FGF14: variants seen among roughly 807,000 people sequenced by gnomAD.
FGF14 encodes the protein fibroblast growth factor 14.
Under a neutral mutation model 25.5 loss-of-function variants are expected in FGF14, and 5 were observed. The observed-to-expected ratio is 0.20, with a 90% CI of 0.10 to 0.41. The LOEUF is 0.41. Ranked by LOEUF, FGF14 falls within the 10% of genes least tolerant of loss-of-function variation. The pLI is 1.00. For missense variants in FGF14, 222 were observed against 320.1 expected (o/e 0.69, Z 2.34); for synonymous variants, 138 against 118.3 (o/e 1.17, Z -1.08).
chr13:101,713,786 G>A lies in FGF14; in HGVS notation c.*9045C>T, dbSNP rs183748156. On this transcript the variant is annotated 3_prime_UTR_variant, in exon 5 of 5. Transcript: ENST00000376143. The stretch of plus-strand genomic sequence containing the variant: ...GGTAGGAGAAATGGGTGAAGTGGAG[G>A]GAAAAAGAGTTGAATCCAGAGCCTC... 2.0e-5 allele frequency: 3 copies of A among 152,174 alleles called. No homozygotes were observed. The East Asian group carries it at 5.8e-4, about 29-fold the overall frequency. The allele number at this position is 152,174 out of a possible 1,614,324, so 9.4% of individuals were successfully genotyped here. A position where few individuals can be genotyped will look rare whatever the true frequency, so the allele number is the denominator to read the frequency against.
chr13:101,968,194 A>T (rs1354776000), intron 1 of FGF14, among the ~76,000 whole-genome samples: 1 of 152,252 alleles, frequency 6.6e-6, no homozygotes, highest in Non-Finnish European at 1.5e-5. Flanking sequence ...AAATGAAGAT[A>T]AATTCATATA....
intron 1 of FGF14, among the ~76,000 whole-genome samples, chr13:102,278,816 A>T (rs2053679373): frequency 6.6e-6 from 1 of 152,130 alleles, no homozygotes; most frequent in African/African-American, 2.4e-5. Context: ...CAGATACAGA[A>T]GTCTGGTACC....
At chr13:101,775,873 T>G (rs1180719608) in intron 3 of FGF14, among the ~76,000 whole-genome samples, 1 of 152,184 alleles carries the variant, frequency 6.6e-6, no homozygotes, top group Non-Finnish European at 1.5e-5. Context: ...GCACATGAGC[T>G]AGAATGTTCA....
chr13:102,335,372 C>T (rs1034030868), intron 1 of FGF14, among the ~76,000 whole-genome samples: 1 of 152,124 alleles, frequency 6.6e-6, no homozygotes, highest in African/African-American at 2.4e-5. Context: ...TCTCTAATTG[C>T]TATCTATGCA....
At chr13:102,060,554 G>A (rs376684275) in intron 1 of FGF14, among the ~76,000 whole-genome samples, 1 of 152,032 alleles carries the variant, frequency 6.6e-6, no homozygotes, top group Non-Finnish European at 1.5e-5. Flanking sequence ...AACTAAACAC[G>A]TTTTACACAG....
At chr13:102,375,639 C>G (rs2058022628) in intron 1 of FGF14, among the ~76,000 whole-genome samples, 1 of 152,060 alleles carries the variant, frequency 6.6e-6, no homozygotes, top group South Asian at 2.1e-4. Context: ...ACTTTAGTTC[C>G]TATTTTAGGT....
chr13:102,333,215 C>T (rs2056686034), intron 1 of FGF14, among the ~76,000 whole-genome samples: 1 of 152,134 alleles, frequency 6.6e-6, no homozygotes, highest in Non-Finnish European at 1.5e-5. Flanking sequence ...GTAAAACTTC[C>T]CTTCTACCTT....
At chr13:102,118,586 T>G (rs981563311) in intron 1 of FGF14, among the ~76,000 whole-genome samples, 1 of 152,064 alleles carries the variant, frequency 6.6e-6, no homozygotes, top group African/African-American at 2.4e-5. Flanking sequence ...ACATTAACAG[T>G]AGGTTTTCAG....
chr13:102,371,251 C>T (rs770567017), intron 1 of FGF14, among the ~76,000 whole-genome samples: 12 of 152,254 alleles, frequency 7.9e-5, no homozygotes, highest in African/African-American at 2.6e-4. Flanking sequence ...GTCTTTAAAT[C>T]GAATCACCAA....
intron 3 of FGF14, chr13:101,801,886 A>C: frequency 2.6e-6 from 1 of 385,212 alleles, no homozygotes; most frequent in Non-Finnish European, 5.1e-6. Context: ...GGATGGCTAA[A>C]GGTGACACCA....
intron 1 of FGF14, among the ~76,000 whole-genome samples, chr13:102,128,997 C>T (rs2046069121): frequency 6.6e-6 from 1 of 152,228 alleles, no homozygotes; most frequent in East Asian, 1.9e-4. Flanking sequence ...GCAGGAGAAT[C>T]GCTTGAACCA....
At chr13:102,308,108 G>GATGTCCTTTCCCTA (rs1361044246) in intron 1 of FGF14, among the ~76,000 whole-genome samples, 3 of 152,142 alleles carry the variant, frequency 2.0e-5, no homozygotes, top group Non-Finnish European at 4.4e-5. Context: ...GCTACCTGAA[G>GATGTCCTTTCCCTA]ATGTCCTTTC....
chr13:101,850,491 TATATATATATATATATATATATA>T (rs1566311138), intron 3 of FGF14, among the ~76,000 whole-genome samples: 449 of 2,390 alleles, frequency 0.19, 121 homozygotes, highest in East Asian at 0.7. Flanking sequence ...TATATATATA[TATATATATATATATATATATATA>T]GAATTATATA....
At chr13:102,330,006 C>T (rs985658936) in intron 1 of FGF14, among the ~76,000 whole-genome samples, 2 of 152,112 alleles carry the variant, frequency 1.3e-5, no homozygotes, top group East Asian at 1.9e-4. Flanking sequence ...AAGTTAAACC[C>T]GCAATCGTGC....
At chr13:102,333,288 G>T (rs895446306) in intron 1 of FGF14, among the ~76,000 whole-genome samples, 2 of 152,176 alleles carry the variant, frequency 1.3e-5, no homozygotes, top group African/African-American at 4.8e-5. Flanking sequence ...AAATGTCCAT[G>T]ATTTATAACT....
At chr13:102,054,279 G>C (rs1375390295) in intron 1 of FGF14, among the ~76,000 whole-genome samples, 1 of 152,134 alleles carries the variant, frequency 6.6e-6, no homozygotes, top group African/African-American at 2.4e-5. Flanking sequence ...GTATCACAAA[G>C]AGTGCTTTTA....
At chr13:101,984,075 CAG>C (rs1430627449) in intron 1 of FGF14, among the ~76,000 whole-genome samples, 1 of 152,112 alleles carries the variant, frequency 6.6e-6, no homozygotes, top group Non-Finnish European at 1.5e-5. Flanking sequence ...ATTCATATAA[CAG>C]AGATAATATC....
chr13:102,110,345 T>C (rs1479999901), intron 1 of FGF14, among the ~76,000 whole-genome samples: 1 of 152,156 alleles, frequency 6.6e-6, no homozygotes, highest in African/African-American at 2.4e-5. Context: ...CTTGATCTAG[T>C]GATAATAAAT....
At chr13:101,927,863 GTCA>G (rs2034476408) in intron 1 of FGF14, among the ~76,000 whole-genome samples, 1 of 151,540 alleles carries the variant, frequency 6.6e-6, no homozygotes, top group Non-Finnish European at 1.5e-5. Context: ...CAGGTGCTCA[GTCA>G]GTGTTTGTCA....
Sources: gnomAD v4.1 joint callset for allele counts (sites outside exome capture counted in the v4.1 genomes callset) on GRCh38, gnomAD v4.1.1 for gene constraint, MANE v1.5 for transcripts, NCBI Gene and HGNC (gene_info 2026-07-23, HGNC 2026-07-21) for gene names.